KAZN: variants seen among roughly 807,000 people sequenced by gnomAD.
The protein encoded by KAZN is kazrin.
Under a neutral mutation model 87.4 loss-of-function variants are expected in KAZN, and 40 were observed. The ratio of observed to expected loss-of-function variants is 0.46; its 90% confidence interval spans 0.36 to 0.60. The LOEUF is 0.60. Ranked by LOEUF, KAZN falls within the 20% of genes least tolerant of loss-of-function variation. The pLI, the probability that KAZN is intolerant of heterozygous loss-of-function variation, is 0.00. For synonymous variants in KAZN, 466 were observed against 458.3 expected, an observed-to-expected ratio of 1.02 and a Z score of -0.22; for missense variants, 898 against 1,073.9, an observed-to-expected ratio of 0.84 and a Z score of 2.29.
At chr1:14,642,882 T>G (rs2148678638) in intron 1 of KAZN, among the ~76,000 whole-genome samples, 1 of 152,306 alleles carries the variant, frequency 6.6e-6, no homozygotes, top group Non-Finnish European at 1.5e-5. Flanking sequence ...CAATACTAAG[T>G]GCTGATGAGG....
chr1:14,334,717 C>T (rs1288410224), intron 2 of KAZN, among the ~76,000 whole-genome samples: 2 of 152,182 alleles, frequency 1.3e-5, no homozygotes, highest in Non-Finnish European at 1.5e-5. Flanking sequence ...TTTGAGTTCA[C>T]TCAGGTGACT....
chr1:14,890,166 C>A (rs546977669), intron 1 of KAZN, among the ~76,000 whole-genome samples: 3 of 152,198 alleles, frequency 2.0e-5, no homozygotes, highest in South Asian at 2.1e-4. Context: ...CCCTGCTCTG[C>A]GAGTTTGGGT....
At chr1:14,042,682 G>T (rs1381711435) in intron 1 of KAZN, among the ~76,000 whole-genome samples, 1 of 152,114 alleles carries the variant, frequency 6.6e-6, no homozygotes, top group East Asian at 1.9e-4. Flanking sequence ...AGAGTAGAAG[G>T]GGACAGATAT....
At chr1:14,297,194 G>A (rs1654190855) in intron 2 of KAZN, among the ~76,000 whole-genome samples, 1 of 152,130 alleles carries the variant, frequency 6.6e-6, no homozygotes, top group South Asian at 2.1e-4. Flanking sequence ...GCACATCCTT[G>A]TCAGGGCCTG....
chr1:14,943,010 GTGTGTGTGTGT>G (rs1557644868), intron 1 of KAZN, among the ~76,000 whole-genome samples: 1,104 of 76,626 alleles, frequency 0.014, 18 homozygotes, highest in African/African-American at 0.026. Context: ...TGTGTGTGGT[GTGTGTGTGTGT>G]GTGTGTGTGT....
chr1:14,484,457 A>T (rs1305159754), intron 2 of KAZN, among the ~76,000 whole-genome samples: 2 of 152,258 alleles, frequency 1.3e-5, no homozygotes, highest in Admixed American at 6.5e-5. Context: ...TACCATGAAT[A>T]TGTACAATTT....
intron 1 of KAZN, among the ~76,000 whole-genome samples, chr1:14,911,326 T>C (rs1657220367): frequency 6.6e-6 from 1 of 152,158 alleles, no homozygotes; most frequent in African/African-American, 2.4e-5. Flanking sequence ...GAAAGAGAAG[T>C]GAGATTGAAT....
Position 14,974,020 on chromosome 1 carries a change from C to T in KAZN, c.418+13145C>T, listed in dbSNP as rs184886609. Among the ~76,000 whole-genome samples the T allele has an allele frequency of 1.2e-3, 185 of 152,140 alleles. 1 individual carries two copies. Among genetic ancestry groups the T allele is most frequent in the African/African-American group, 4.0e-3 (165 of 41,518 alleles). On this transcript the variant is annotated intron_variant, in intron 2 of 14. Transcript: ENST00000376030. ...GGTACTTCCATGCTATTCCTCTGGA[C>T]GACCCAAGATGGCTTCACTCACATA... is the stretch of plus-strand genomic sequence containing the variant.
intron 4 of KAZN, among the ~76,000 whole-genome samples, chr1:15,047,805 G>A (rs1451334134): frequency 2.0e-5 from 3 of 152,150 alleles, no homozygotes; most frequent in African/African-American, 7.2e-5. Context: ...GCGGAGGTGG[G>A]GAGCCAGGCC....
At chr1:14,422,439 G>A (rs1244671620) in intron 2 of KAZN, among the ~76,000 whole-genome samples, 1 of 152,168 alleles carries the variant, frequency 6.6e-6, no homozygotes, top group African/African-American at 2.4e-5. Flanking sequence ...GCTACGCAGC[G>A]CATAAGACAC....
chr1:14,775,949 G>C (rs574036449), intron 1 of KAZN, among the ~76,000 whole-genome samples: 1 of 152,228 alleles, frequency 6.6e-6, no homozygotes, highest in East Asian at 1.9e-4. Flanking sequence ...ACCATAGTGA[G>C]TGTGGTCCTG....
At chr1:13,977,049 G>A (rs988871790) in intron 1 of KAZN, among the ~76,000 whole-genome samples, 21 of 152,198 alleles carry the variant, frequency 1.4e-4, no homozygotes, top group African/African-American at 2.4e-5. Context: ...GAATTATTCA[G>A]CAATTTCCCT....
At chr1:14,542,245 G>A in intron 2 of KAZN, among the ~76,000 whole-genome samples, 1 of 138,728 alleles carries the variant, frequency 7.2e-6, no homozygotes, top group Non-Finnish European at 1.5e-5. Context: ...ATTGAACAAT[G>A]AGAACACATG....
In KAZN at chr1:14,730,153, G is replaced by A. The variant is rs993429169; in HGVS notation, c.226+130930G>A. 1.5e-4 allele frequency among the ~76,000 whole-genome samples: 23 copies of A among 151,958 alleles called. No individual in the cohort carries two copies. In the East Asian group the frequency reaches 1.7e-3, roughly 11 times the overall value. On this transcript the variant is annotated intron_variant, in intron 1 of 14. Transcript: ENST00000376030. ...GGCTGGAGTGCAGTGGCGCGATCTCGGCTTACTGAAACCTCTGCCTCCCGG... is the reference window on the plus strand; with the variant it reads ...GGCTGGAGTGCAGTGGCGCGATCTCAGCTTACTGAAACCTCTGCCTCCCGG...
chr1:14,204,058 C>T (rs748607563), intron 2 of KAZN, among the ~76,000 whole-genome samples: 1 of 152,174 alleles, frequency 6.6e-6, no homozygotes, highest in Non-Finnish European at 1.5e-5. Flanking sequence ...AGAAGCTTTG[C>T]ACATTTATTT....
rs1036660457 is a variant in KAZN at position 15,011,933 on chromosome 1, G to A, written c.419-22816G>A. ...TCCAAGCCCCCTCCTCTGTGTGAAT[G>A]AGTTTGCTCCTCCCAGCACCTTCAG... On this transcript the variant is annotated intron_variant, in intron 2 of 14. Transcript: ENST00000376030. Among the ~76,000 whole-genome samples, 19 of 152,112 alleles carry A rather than the reference G, an allele frequency of 1.2e-4. 1 individual carries two copies. Among genetic ancestry groups the A allele is most frequent in the Admixed American group, 1.0e-3 (16 of 15,270 alleles).
intron 1 of KAZN, among the ~76,000 whole-genome samples, chr1:14,036,147 CT>C (rs911681989): frequency 3.3e-5 from 5 of 152,218 alleles, no homozygotes; most frequent in African/African-American, 1.2e-4. Flanking sequence ...AAAAGTGCAC[CT>C]TTTGAACAGG....
chr1:14,812,879 G>T (rs1409714341), intron 1 of KAZN, among the ~76,000 whole-genome samples: 1 of 152,180 alleles, frequency 6.6e-6, no homozygotes, highest in African/African-American at 2.4e-5. Flanking sequence ...GTGGCTGGCA[G>T]AAAAGAAGTA....
At chr1:14,369,033 G>C (rs922110032) in intron 2 of KAZN, among the ~76,000 whole-genome samples, 2 of 152,196 alleles carry the variant, frequency 1.3e-5, no homozygotes, top group Non-Finnish European at 2.9e-5. Flanking sequence ...CTTCCCGGGA[G>C]TTGAATAAAT....
Sources: gnomAD v4.1 joint callset for allele counts (sites outside exome capture counted in the v4.1 genomes callset) on GRCh38, gnomAD v4.1.1 for gene constraint, MANE v1.5 for transcripts, NCBI Gene and HGNC (gene_info 2026-07-23, HGNC 2026-07-21) for gene names.